Variants in LMNTD1 observed in about 807,000 individuals in gnomAD.
The protein encoded by LMNTD1 is lamin tail domain-containing protein 1.
In LMNTD1, 35 loss-of-function variants were observed where a neutral mutation model predicts 50.9. The observed-to-expected ratio is 0.69, with a 90% CI of 0.53 to 0.91. LMNTD1 has a LOEUF of 0.91. Ranked by LOEUF, LMNTD1 falls within the 40% of genes least tolerant of loss-of-function variation. The pLI, the probability that LMNTD1 is intolerant of heterozygous loss-of-function variation, is 0.00. For synonymous variants in LMNTD1, 153 were observed against 161.9 expected (o/e 0.94, Z 0.42); for missense variants, 470 against 475.5 (o/e 0.99, Z 0.11).
At chr12:25,629,138 TG>T (rs201619695) in intron 1 of LMNTD1, among the ~76,000 whole-genome samples, 1,838 of 152,332 alleles carry the variant, frequency 0.012, 19 homozygotes, top group South Asian at 0.024. Context: ...AGCGACTCTC[TG>T]GGATTCGAGC....
chr12:25,588,457 C>G (rs1592078656), intron 1 of LMNTD1, among the ~76,000 whole-genome samples: 5 of 151,902 alleles, frequency 3.3e-5, no homozygotes. Context: ...CATGCTTTCA[C>G]AAGTATAATA....
intron 1 of LMNTD1, among the ~76,000 whole-genome samples, chr12:25,611,534 C>T (rs1433077424): frequency 6.6e-6 from 1 of 152,180 alleles, no homozygotes; most frequent in Non-Finnish European, 1.5e-5. Context: ...CATCATTTTA[C>T]TCAGGTATAA....
intron 1 of LMNTD1, among the ~76,000 whole-genome samples, chr12:25,644,100 T>C (rs1947009713): frequency 6.6e-6 from 1 of 152,026 alleles, no homozygotes; most frequent in South Asian, 2.1e-4. Flanking sequence ...GTGAGTATAA[T>C]GAAAACAGGA....
intron 8 of LMNTD1, among the ~76,000 whole-genome samples, chr12:25,508,736 T>C (rs540272991): frequency 3.9e-5 from 6 of 152,318 alleles, no homozygotes; most frequent in South Asian, 2.1e-4. Context: ...CAATGTTGAA[T>C]AGAAGTCATC....
intron 1 of LMNTD1, among the ~76,000 whole-genome samples, chr12:25,626,754 C>T (rs1946598599): frequency 6.6e-6 from 1 of 152,148 alleles, no homozygotes; most frequent in Non-Finnish European, 1.5e-5. Flanking sequence ...GAGTTCTAGG[C>T]AGTTGATAGA....
chr12:25,568,522 T>C (rs1944652864), intron 1 of LMNTD1, among the ~76,000 whole-genome samples: 1 of 152,192 alleles, frequency 6.6e-6, no homozygotes, highest in African/African-American at 2.4e-5. Context: ...CAGGTACTGA[T>C]AGCCAAGACA....
At chr12:25,611,380 G>A (rs1487271501) in intron 1 of LMNTD1, among the ~76,000 whole-genome samples, 1 of 152,198 alleles carries the variant, frequency 6.6e-6, no homozygotes, top group African/African-American at 2.4e-5. Flanking sequence ...GGTTTTAGGA[G>A]GGGTTGTTTT....
chr12:25,632,577 T>C (rs1006091647), intron 1 of LMNTD1, among the ~76,000 whole-genome samples: 3 of 152,186 alleles, frequency 2.0e-5, no homozygotes, highest in African/African-American at 7.2e-5. Flanking sequence ...GATACAGTCT[T>C]TTTTGGACAA....
chr12:25,548,192 A>T (rs1368177816), intron 3 of LMNTD1, among the ~76,000 whole-genome samples: 2 of 151,554 alleles, frequency 1.3e-5, no homozygotes, highest in Non-Finnish European at 3.0e-5. Flanking sequence ...GAATCTGACC[A>T]TAATGGCAGG....
intron 6 of LMNTD1, among the ~76,000 whole-genome samples, chr12:25,520,313 C>T (rs903098312): frequency 6.6e-6 from 1 of 151,822 alleles, no homozygotes; most frequent in South Asian, 2.1e-4. Flanking sequence ...TTATATTGTA[C>T]ACTAGATCCC....
intron 4 of LMNTD1, among the ~76,000 whole-genome samples, chr12:25,527,553 G>A (rs2136091155): frequency 6.8e-6 from 1 of 147,668 alleles, no homozygotes; most frequent in South Asian, 2.1e-4. Context: ...AATCACTTTG[G>A]TAAGTGAGGA....
At chr12:25,492,085 T>C (rs1938902485) in intron 9 of LMNTD1, among the ~76,000 whole-genome samples, 1 of 152,216 alleles carries the variant, frequency 6.6e-6, no homozygotes, top group Non-Finnish European at 1.5e-5. Context: ...TGTGGGATCT[T>C]GAACAGTAAT....
In LMNTD1 at chr12:25,643,354, T is replaced by C. The variant is rs377755976; in HGVS notation, c.58+5140A>G. 4.1e-3 allele frequency among the ~76,000 whole-genome samples: 618 copies of C among 152,158 alleles called. 1 individual carries two copies. Among genetic ancestry groups the C allele is most frequent in the African/African-American group, 0.014 (577 of 41,504 alleles). On this transcript the variant is annotated intron_variant, in intron 1 of 7. Transcript: ENST00000445693. ...CAGCAAGGCCAGAGACCCCGACACC[T>C]GGTGGGTTTGAAAAATAGAGAGGAG...
intron 1 of LMNTD1, among the ~76,000 whole-genome samples, chr12:25,576,182 T>A (rs1485892928): frequency 6.6e-6 from 1 of 152,210 alleles, no homozygotes; most frequent in Non-Finnish European, 1.5e-5. Flanking sequence ...GCAGCATCAT[T>A]TATAATCCTT....
intron 1 of LMNTD1, among the ~76,000 whole-genome samples, chr12:25,567,926 G>A (rs549975508): frequency 2.1e-4 from 32 of 152,132 alleles, no homozygotes; most frequent in African/African-American, 7.7e-4. Flanking sequence ...GAGAAGTGGG[G>A]TGTTTCTATA....
At chr12:25,626,944 T>G (rs1378028955) in intron 1 of LMNTD1, among the ~76,000 whole-genome samples, 1 of 152,232 alleles carries the variant, frequency 6.6e-6, no homozygotes, top group African/African-American at 2.4e-5. Flanking sequence ...AAGGAAATGT[T>G]TGATGCACTC....
intron 1 of LMNTD1, among the ~76,000 whole-genome samples, chr12:25,642,527 C>T (rs761646371): frequency 2.6e-5 from 4 of 152,156 alleles, no homozygotes; most frequent in South Asian, 2.1e-4. Flanking sequence ...TCGTTTAATC[C>T]TTCTGGCCTG....
At chr12:25,503,624 A>G (rs1054579473) in intron 9 of LMNTD1, 114 bp downstream of exon 9, 1 of 641,088 alleles carries the variant, frequency 1.6e-6, no homozygotes, top group South Asian at 2.1e-5. Context: ...ATTAGTGACT[A>G]TGGAATATAT....
chr12:25,547,221 T>C (rs1414228645), intron 3 of LMNTD1: 1 of 961,778 alleles, frequency 1.0e-6, no homozygotes, highest in Non-Finnish European at 1.2e-6. Flanking sequence ...AAAGGGGGAG[T>C]TACATTACAA....
Sources: gnomAD v4.1 joint callset for allele counts (sites outside exome capture counted in the v4.1 genomes callset) on GRCh38, gnomAD v4.1.1 for gene constraint, MANE v1.5 for transcripts, NCBI Gene and HGNC (gene_info 2026-07-23, HGNC 2026-07-21) for gene names.